ETS1: variants seen among roughly 807,000 people sequenced by gnomAD.
ETS1 encodes the protein protein C-ets-1.
In ETS1, 15 loss-of-function variants were observed where a neutral mutation model predicts 58.6. That is an observed-to-expected ratio of 0.26 (90% CI 0.17 to 0.39). ETS1 has a LOEUF of 0.39. Among genes scored for constraint, ETS1 ranks in the 10% least tolerant of loss-of-function variants. ETS1 has a pLI of 1.00. For missense variants in ETS1, 417 were observed against 610.5 expected (o/e 0.68, Z 3.34); for synonymous variants, 214 against 218.2 (o/e 0.98, Z 0.17).
At chr11:128,481,824 C>T (rs1177494437) in intron 7 of ETS1, among the ~76,000 whole-genome samples, 6 of 152,160 alleles carry the variant, frequency 3.9e-5, no homozygotes, top group African/African-American at 1.2e-4. Flanking sequence ...ATGTTGCTCC[C>T]AACATTGTTT....
chr11:128,510,248 T>C (rs1863356956), intron 3 of ETS1, among the ~76,000 whole-genome samples: 1 of 152,200 alleles, frequency 6.6e-6, no homozygotes, highest in South Asian at 2.1e-4. Context: ...TCCAGAGTAC[T>C]TTCTAAATGT....
intron 3 of ETS1, among the ~76,000 whole-genome samples, chr11:128,499,715 C>T (rs923317192): frequency 3.3e-5 from 5 of 152,166 alleles, no homozygotes; most frequent in Non-Finnish European, 7.3e-5. Context: ...GACTCTCTAC[C>T]GACAGCAGGC....
At chr11:128,546,477 G>A (rs557509864) in intron 3 of ETS1, among the ~76,000 whole-genome samples, 2 of 152,224 alleles carry the variant, frequency 1.3e-5, no homozygotes, top group East Asian at 1.9e-4. Flanking sequence ...ATAAAATGGT[G>A]TAGTATTTGC....
intron 1 of ETS1, among the ~76,000 whole-genome samples, chr11:128,584,546 A>T (rs1864935192): frequency 6.6e-6 from 1 of 152,230 alleles, no homozygotes; most frequent in Admixed American, 6.5e-5. Flanking sequence ...AGGATGTTGG[A>T]ACATACCAAG....
At chr11:128,530,917 T>C (rs1863887282) in intron 3 of ETS1, among the ~76,000 whole-genome samples, 1 of 152,224 alleles carries the variant, frequency 6.6e-6, no homozygotes, top group Non-Finnish European at 1.5e-5. Flanking sequence ...TACATATCCA[T>C]CCACTTTTAG....
chr11:128,527,589 T>C (rs547742198), intron 3 of ETS1, among the ~76,000 whole-genome samples: 1 of 152,354 alleles, frequency 6.6e-6, no homozygotes, highest in African/African-American at 2.4e-5. Flanking sequence ...TAAATTGTCC[T>C]GAATTGGACT....
chr11:128,518,486 T>C (rs1315466903), intron 3 of ETS1, among the ~76,000 whole-genome samples: 1 of 152,216 alleles, frequency 6.6e-6, no homozygotes, highest in Non-Finnish European at 1.5e-5. Context: ...ATTCATCCTA[T>C]GAAGTAGAAT....
At chr11:128,498,243 T>C (rs918854762) in intron 3 of ETS1, among the ~76,000 whole-genome samples, 5 of 151,838 alleles carry the variant, frequency 3.3e-5, no homozygotes, top group African/African-American at 1.2e-4. Flanking sequence ...TCTTATAAAA[T>C]ATAAAGACTT....
intron 7 of ETS1, among the ~76,000 whole-genome samples, chr11:128,481,922 G>A (rs7130469): frequency 0.93 from 140,777 of 152,186 alleles, 65,247 homozygotes; most frequent in African/African-American, 0.98. Flanking sequence ...GACCCCCTCT[G>A]GAACTGCTTT....
chr11:128,537,839 T>C (rs1170747352), intron 3 of ETS1, among the ~76,000 whole-genome samples: 4 of 152,084 alleles, frequency 2.6e-5, no homozygotes, highest in Admixed American at 2.6e-4. Flanking sequence ...GTTTTAAAGC[T>C]ATATATCCCA....
chr11:128,501,968 A>G (rs1007889930), intron 3 of ETS1, among the ~76,000 whole-genome samples: 1 of 152,202 alleles, frequency 6.6e-6, no homozygotes, highest in African/African-American at 2.4e-5. Flanking sequence ...AGACCCCTGT[A>G]CAGTGAAATA....
intron 8 of ETS1, among the ~76,000 whole-genome samples, chr11:128,469,121 G>A (rs185723472): frequency 3.3e-4 from 51 of 152,330 alleles, no homozygotes; most frequent in Admixed American, 1.3e-3. Flanking sequence ...TTTCATCAAC[G>A]TGTTCCCAAA....
chr11:128,534,070 T>C (rs1863938246), intron 3 of ETS1, among the ~76,000 whole-genome samples: 1 of 152,246 alleles, frequency 6.6e-6, no homozygotes, highest in South Asian at 2.1e-4. Flanking sequence ...TTGTTTGAAA[T>C]TGTCAGATCT....
rs571271826 is a variant in ETS1 at position 128,487,468 on chromosome 11, C to T, written c.536-1322G>A. Among the ~76,000 whole-genome samples, 11 of 152,260 alleles carry T rather than the reference C, an allele frequency of 7.2e-5. No homozygotes were observed. The South Asian group carries it at 2.1e-3, about 29-fold the overall frequency. The stretch of plus-strand genomic sequence containing the variant: ...AATAAAAATATATTGAGGGCAGGCG[C>T]GGTGGCTCACGCCTGTAATCCCAGT... On this transcript the variant is annotated intron_variant, in intron 5 of 9. Coordinates refer to ENST00000392668, the MANE Select transcript of ETS1 (RefSeq NM_001143820.2).
At chr11:128,473,089 CAT>C (rs1862230458) in intron 8 of ETS1, among the ~76,000 whole-genome samples, 1 of 152,124 alleles carries the variant, frequency 6.6e-6, no homozygotes, top group African/African-American at 2.4e-5. Context: ...GAAACTTCCT[CAT>C]GTGATATTTG....
chr11:128,506,645 C>T (rs1863243349), intron 3 of ETS1, among the ~76,000 whole-genome samples: 1 of 152,080 alleles, frequency 6.6e-6, no homozygotes, highest in Non-Finnish European at 1.5e-5. Context: ...GGTGGCATTA[C>T]TGAAAGGGAA....
At chr11:128,500,314 C>T (rs189002127) in intron 3 of ETS1, among the ~76,000 whole-genome samples, 38 of 152,248 alleles carry the variant, frequency 2.5e-4, no homozygotes, top group South Asian at 6.2e-4. Context: ...AGGCAACAAC[C>T]GACTCCCAAT....
At chr11:128,541,477 G>A (rs1326331294) in intron 3 of ETS1, among the ~76,000 whole-genome samples, 2 of 152,158 alleles carry the variant, frequency 1.3e-5, no homozygotes, top group African/African-American at 4.8e-5. Context: ...ATTAGGCTAG[G>A]CATTGAGGAT....
rs749102251 is a variant in ETS1 at position 128,461,704 on chromosome 11, C to G, written c.*657G>C. Reference sequence around the variant, plus strand: ...TCCTCAGCCGGCAAATAAAAACAAACTTACATGATATTGCAATACTGAGAC... The same window carrying G: ...TCCTCAGCCGGCAAATAAAAACAAAGTTACATGATATTGCAATACTGAGAC... On this transcript the variant is annotated 3_prime_UTR_variant, in exon 10 of 10. Coordinates refer to ENST00000392668, the MANE Select transcript of ETS1 (RefSeq NM_001143820.2). 2 of 152,658 alleles carry G rather than the reference C, an allele frequency of 1.3e-5. No individual in the cohort carries two copies. The highest frequency in any genetic ancestry group is 2.9e-5 in the Non-Finnish European group (2 of 68,038). The allele number at this position is 152,658 out of a possible 1,614,324, so 9.5% of individuals were successfully genotyped here. A position where few individuals can be genotyped will look rare whatever the true frequency, so the allele number is the denominator to read the frequency against.
Sources: allele counts gnomAD v4.1 joint callset (sites outside exome capture counted in the v4.1 genomes callset), GRCh38; gene constraint gnomAD v4.1.1; transcripts MANE v1.5; gene names NCBI Gene and HGNC (gene_info 2026-07-23, HGNC 2026-07-21).